Variants in ASB7 observed in about 807,000 individuals in gnomAD.
ASB7 encodes the protein ankyrin repeat and SOCS box containing 7.
Under a neutral mutation model 32.5 loss-of-function variants are expected in ASB7, and 4 were observed. The observed-to-expected ratio is 0.12, with a 90% CI of 0.06 to 0.28. ASB7 has a LOEUF of 0.28. Ranked by LOEUF, ASB7 falls within the 10% of genes least tolerant of loss-of-function variation. ASB7 has a pLI of 1.00. For synonymous variants in ASB7, 172 were observed against 155.6 expected (o/e 1.11, Z -0.78); for missense variants, 181 against 407.1 (o/e 0.44, Z 4.78).
chr15:100,607,720 T>C (rs928252472), intron 2 of ASB7, among the ~76,000 whole-genome samples: 1 of 152,250 alleles, frequency 6.6e-6, no homozygotes, highest in African/African-American at 2.4e-5. Context: ...AGGTGCTACC[T>C]GTGGCCAAAC....
At chr15:100,646,460 A>G in intron 5 of ASB7, 1 of 468,598 alleles carries the variant, frequency 2.1e-6, no homozygotes, top group Non-Finnish European at 4.4e-6. Context: ...TGTTTGACCA[A>G]GGGCATTCAC....
intron 2 of ASB7, among the ~76,000 whole-genome samples, chr15:100,609,047 G>A (rs1033707559): frequency 6.6e-6 from 1 of 152,182 alleles, no homozygotes; most frequent in Non-Finnish European, 1.5e-5. Flanking sequence ...TAACAGAGCT[G>A]GAATTTAATT....
chr15:100,645,889 A>G (rs1567119403), intron 5 of ASB7: 3 of 755,964 alleles, frequency 4.0e-6, no homozygotes, highest in Non-Finnish European at 7.0e-6. Flanking sequence ...TGACCACAGC[A>G]CTGAGGAGAT....
chr15:100,640,569 A>G (rs2039954663), intron 5 of ASB7, among the ~76,000 whole-genome samples: 1 of 152,076 alleles, frequency 6.6e-6, no homozygotes, highest in Admixed American at 6.6e-5. Flanking sequence ...GAGGACGCAA[A>G]TCTTTCACTT....
intron 4 of ASB7, among the ~76,000 whole-genome samples, chr15:100,628,031 AAATTT>A (rs2039854350): frequency 6.6e-6 from 1 of 152,206 alleles, no homozygotes; most frequent in South Asian, 2.1e-4. Context: ...TACCCTACTT[AAATTT>A]AAGTCCTGTG....
intron 5 of ASB7, among the ~76,000 whole-genome samples, chr15:100,647,320 GGAT>G (rs2040003527): frequency 6.6e-6 from 1 of 152,156 alleles, no homozygotes; most frequent in Non-Finnish European, 1.5e-5. Flanking sequence ...TATAAAATGG[GGAT>G]GATGATCAAA....
intron 3 of ASB7, among the ~76,000 whole-genome samples, chr15:100,611,484 C>CTGTTTTTTTTTTTTTTTTTT (rs2039694528): frequency 1.3e-5 from 1 of 77,144 alleles, no homozygotes; most frequent in Non-Finnish European, 2.3e-5. Context: ...TGTTTCGATT[C>CTGTTTTTTTTTTTTTTTTTT]TTTTTTTTTT....
At chr15:100,625,970 G>C (rs2141397580) in intron 4 of ASB7, among the ~76,000 whole-genome samples, 1 of 152,298 alleles carries the variant, frequency 6.6e-6, no homozygotes, top group South Asian at 2.1e-4. Context: ...GGGGAGTACT[G>C]AACCTTGAAC....
At chr15:100,633,624 A>C (rs1339282358) in intron 5 of ASB7, among the ~76,000 whole-genome samples, 1 of 151,442 alleles carries the variant, frequency 6.6e-6, no homozygotes, top group African/African-American at 2.4e-5. Context: ...AGGGAAAGAA[A>C]GGAAGAAAGG....
chr15:100,638,979 T>C (rs1304666874), intron 5 of ASB7, among the ~76,000 whole-genome samples: 1 of 152,172 alleles, frequency 6.6e-6, no homozygotes, highest in Non-Finnish European at 1.5e-5. Context: ...AGGTGATTCT[T>C]AAGTCAGAGA....
chr15:100,646,451 G>T (rs904626584), intron 5 of ASB7: 50 of 466,318 alleles, frequency 1.1e-4, no homozygotes, highest in Non-Finnish European at 1.8e-5. Context: ...CGTTCCATGT[G>T]TTTGACCAAG....
chr15:100,614,148 C>T (rs1039519053), intron 4 of ASB7, among the ~76,000 whole-genome samples: 1 of 151,978 alleles, frequency 6.6e-6, no homozygotes. Flanking sequence ...TGGCCAGGTG[C>T]CTATGATCCC....
chr15:100,620,442 C>T (rs1028227396), intron 4 of ASB7, among the ~76,000 whole-genome samples: 2 of 152,196 alleles, frequency 1.3e-5, no homozygotes, highest in African/African-American at 2.4e-5. Context: ...TACCTTCAAG[C>T]ATCCTGCGTC....
At chr15:100,614,909 T>C (rs939833273) in intron 4 of ASB7, among the ~76,000 whole-genome samples, 2 of 152,244 alleles carry the variant, frequency 1.3e-5, no homozygotes, top group African/African-American at 4.8e-5. Flanking sequence ...TATATATGTA[T>C]GTATCTAGTT....
At chr15:100,613,837 T>G (rs1475225485) in intron 4 of ASB7, among the ~76,000 whole-genome samples, 1 of 152,210 alleles carries the variant, frequency 6.6e-6, no homozygotes, top group Non-Finnish European at 1.5e-5. Context: ...TCAGTTAAAT[T>G]ATACAAATAA....
intron 4 of ASB7, among the ~76,000 whole-genome samples, chr15:100,628,014 A>G (rs557837822): frequency 6.6e-6 from 1 of 152,352 alleles, no homozygotes; most frequent in Non-Finnish European, 1.5e-5. Flanking sequence ...CTGTGTTAAA[A>G]TGTTCTTACC....
intron 4 of ASB7, 78 bp downstream of exon 4, chr15:100,612,505 AT>A: frequency 1.5e-6 from 2 of 1,305,864 alleles, no homozygotes; most frequent in Admixed American, 1.7e-5. Flanking sequence ...TCTATTTGTA[AT>A]TTTTAATGCT....
intron 5 of ASB7, among the ~76,000 whole-genome samples, chr15:100,631,672 C>G (rs2039884363): frequency 6.6e-6 from 1 of 152,158 alleles, no homozygotes; most frequent in Admixed American, 6.5e-5. Context: ...AGAGTTTGAG[C>G]CTTAACTCTA....
At chr15:100,609,232 T>G (rs980350506) in intron 2 of ASB7, among the ~76,000 whole-genome samples, 1 of 152,350 alleles carries the variant, frequency 6.6e-6, no homozygotes, top group African/African-American at 2.4e-5. Context: ...AAAATGCATT[T>G]AAAGACACAG....
Sources: allele counts gnomAD v4.1 joint callset (sites outside exome capture counted in the v4.1 genomes callset), GRCh38; gene constraint gnomAD v4.1.1; transcripts MANE v1.5; gene names NCBI Gene and HGNC (gene_info 2026-07-23, HGNC 2026-07-21).